LARP4B: variants seen among roughly 807,000 people sequenced by gnomAD.
LARP4B encodes La ribonucleoprotein 4B.
A neutral mutation model predicts 89.8 loss-of-function variants in LARP4B; 12 were observed. The ratio of observed to expected loss-of-function variants is 0.13; its 90% CI spans 0.09 to 0.22. The LOEUF is 0.22. Among genes scored for constraint, LARP4B ranks in the 10% least tolerant of loss-of-function variants. LARP4B has a pLI of 1.00. For synonymous variants in LARP4B, 367 were observed against 363.3 expected, an observed-to-expected ratio of 1.01 and a Z score of -0.12; for missense variants, 757 against 947.7, an observed-to-expected ratio of 0.80 and a Z score of 2.64.
At chr10:860,727 A>G (rs1250245294) in intron 5 of LARP4B, among the ~76,000 whole-genome samples, 2 of 152,180 alleles carry the variant, frequency 1.3e-5, no homozygotes, top group Admixed American at 1.3e-4. Flanking sequence ...AACAGTACAC[A>G]CTGTCAAATT....
intron 3 of LARP4B, among the ~76,000 whole-genome samples, chr10:865,363 C>G (rs1306986365): frequency 6.6e-6 from 1 of 152,180 alleles, no homozygotes; most frequent in Non-Finnish European, 1.5e-5. Flanking sequence ...CACGCATGCT[C>G]AGTTAGTCCC....
chr10:914,556 G>A (rs1216356818), intron 1 of LARP4B, among the ~76,000 whole-genome samples: 1 of 151,168 alleles, frequency 6.6e-6, no homozygotes, highest in Non-Finnish European at 1.5e-5. Flanking sequence ...CAGCACTTTG[G>A]GAGGCCAAGG....
chr10:953,903 C>A, the LARP4B span, among the ~76,000 whole-genome samples: 30 of 152,250 alleles, frequency 2.0e-4, no homozygotes, highest in African/African-American at 7.2e-4. Context: ...TGAAGAATCC[C>A]TGAGCAAGCT....
intron 3 of LARP4B, among the ~76,000 whole-genome samples, chr10:876,519 T>A (rs144805458): frequency 1.8e-4 from 28 of 152,348 alleles, no homozygotes; most frequent in African/African-American, 6.0e-4. Context: ...TCATCTCCTT[T>A]GACTCCATGT....
intron 8 of LARP4B, among the ~76,000 whole-genome samples, chr10:835,128 G>A (rs1004024019): frequency 1.2e-4 from 18 of 151,756 alleles, no homozygotes; most frequent in Admixed American, 5.2e-4. Context: ...ATAATCCTAA[G>A]TTGTTTTTCT....
Position 867,692 on chromosome 10 carries a change from C to T in LARP4B, c.142-3422G>A, listed in dbSNP as rs959773008. ...CCTGGCCAACATGGTGAAACCCCGT[C>T]TCTACTGAAAATACAAAAGTTAGCT... On this transcript the variant is annotated intron_variant, in intron 3 of 17. Transcript: ENST00000316157. 2.6e-5 allele frequency among the ~76,000 whole-genome samples: 4 copies of T among 151,936 alleles called. No homozygotes were observed. The East Asian group carries it at 7.8e-4, about 29-fold the overall frequency.
At chr10:972,963 TC>T in the LARP4B span, 1 of 439,724 alleles carries the variant, frequency 2.3e-6, no homozygotes, top group South Asian at 1.6e-5. Context: ...GCTCAGTTCC[TC>T]CCCGTGCAGT....
rs181570658 is a variant in LARP4B at position 910,018 on chromosome 10, C to T, written c.-40+21410G>A. 1.5e-4 allele frequency among the ~76,000 whole-genome samples: 23 copies of T among 152,206 alleles called. No individual in the cohort carries two copies. In the East Asian group the frequency reaches 3.7e-3, roughly 24 times the overall value. ...TGTGAGGTATGCAGGCCCAGAGAGC[C>T]GTGAGTGTGGGACTTCTGTCATGCC... On this transcript the variant is annotated intron_variant, in intron 1 of 17. Transcript: ENST00000316157.
At position 845,017 on chromosome 10, in the gene LARP4B, G is replaced by T; in HGVS notation, c.469C>A (p.Arg157=). The change falls in exon 6 of 18, where the codon CGA becomes AGA. Residue 157 remains arginine (R), a synonymous_variant. Transcript: ENST00000316157. ...ESQPDSQEDP[R]EVLKKTLEFC... ...TCCAATGTTTTTTTAAGTACTTCTC[G>T]GGGGTCTTCCTGGCTGTCTGGTTGA... 6.2e-7 allele frequency: 1 copy of T among 1,611,162 alleles called. No homozygotes were observed.
At chr10:843,786 C>CCAGCCCTGGCTTCCTAGCAGCCAGA (rs1833644650) in intron 6 of LARP4B, among the ~76,000 whole-genome samples, 1 of 152,180 alleles carries the variant, frequency 6.6e-6, no homozygotes, top group Non-Finnish European at 1.5e-5. Context: ...AGGATAAGGT[C>CCAGCCCTGGCTTCCTAGCAGCCAGA]ATACCCAAAA....
the LARP4B span, among the ~76,000 whole-genome samples, chr10:959,822 ATTCCCACCT>A: frequency 1.9e-5 from 2 of 106,324 alleles, no homozygotes; most frequent in East Asian, 2.9e-4. Flanking sequence ...CCTCCTCGTC[ATTCCCACCT>A]CCTCGTCATT....
At chr10:854,767 G>A (rs533984585) in intron 5 of LARP4B, among the ~76,000 whole-genome samples, 2 of 152,244 alleles carry the variant, frequency 1.3e-5, no homozygotes, top group African/African-American at 2.4e-5. Flanking sequence ...TCAAGTTAAC[G>A]TCACCAGCTC....
At position 820,800 on chromosome 10, in the gene LARP4B, T is replaced by G. The variant is rs747210691; in HGVS notation, c.1530A>C (p.Thr510=). ...GYRKKREEKF[T]SSQTQSPTPP... ...AGAGGTATATGCTTTATGTACTCAC[T>G]GTAAACTTCTCCTCCCTTTTCTTCC... is the stretch of plus-strand genomic sequence containing the variant. Residue 510 remains threonine, a splice_region_variant and synonymous_variant, in exon 14 of 18, where the codon ACA becomes ACC. Coordinates refer to ENST00000316157, the MANE Select transcript of LARP4B (RefSeq NM_015155.3). The G allele has an allele frequency of 6.2e-7, 1 of 1,612,706 alleles. No homozygotes were observed. Among genetic ancestry groups the G allele is most frequent in the South Asian group, 1.1e-5 (1 of 90,998 alleles).
intron 3 of LARP4B, chr10:869,915 AT>A (rs1835112127): frequency 7.4e-6 from 1 of 135,996 alleles, no homozygotes; most frequent in Non-Finnish European, 1.6e-5. Context: ...AATAATAATA[AT>A]AATAATAATA....
chr10:949,379 C>T, the LARP4B span, among the ~76,000 whole-genome samples: 2 of 151,982 alleles, frequency 1.3e-5, no homozygotes, highest in African/African-American at 4.8e-5. Context: ...CCCACCAGCC[C>T]CGTGTGAGTG....
chr10:923,565 A>C (rs2132053537), intron 1 of LARP4B, among the ~76,000 whole-genome samples: 1 of 152,322 alleles, frequency 6.6e-6, no homozygotes, highest in African/African-American at 2.4e-5. Context: ...CTGACTGATA[A>C]GGCAAAAATT....
chr10:869,842 A>C lies in LARP4B; in HGVS notation c.142-5572T>G, dbSNP rs896368509. On this transcript the variant is annotated intron_variant, in intron 3 of 17. Transcript: ENST00000316157. The stretch of plus-strand genomic sequence containing the variant: ...CTTGAACTTGGGAGGTGGAGGTTGC[A>C]GTGAGCTGAGATCACGCCACTGCAA... 5.3e-5 allele frequency among the ~76,000 whole-genome samples: 8 copies of C among 151,508 alleles called. No homozygotes were observed. In the East Asian group the frequency reaches 1.4e-3, roughly 26 times the overall value.
chr10:821,791 C>T (rs1418000981), intron 13 of LARP4B, among the ~76,000 whole-genome samples: 5 of 152,238 alleles, frequency 3.3e-5, no homozygotes, highest in African/African-American at 1.2e-4. Flanking sequence ...CGGCACAAAC[C>T]TTTAGGATTC....
At chr10:941,507 G>T in the LARP4B span, among the ~76,000 whole-genome samples, 1 of 149,276 alleles carries the variant, frequency 6.7e-6, no homozygotes. Flanking sequence ...AGAGATGGGC[G>T]GGGGGTGTCT....
Sources: allele counts gnomAD v4.1 joint callset (sites outside exome capture counted in the v4.1 genomes callset), GRCh38; gene constraint gnomAD v4.1.1; transcripts MANE v1.5; gene names NCBI Gene and HGNC (gene_info 2026-07-23, HGNC 2026-07-21).